Variants in SHE observed in about 807,000 individuals in gnomAD.
SHE encodes Src homology 2 domain containing E.
In SHE, 11 loss-of-function variants were observed where a neutral mutation model predicts 49.8. That is an observed-to-expected ratio of 0.22 (90% CI 0.14 to 0.37). SHE has a LOEUF of 0.37. SHE is among the 10% of genes least tolerant of loss of function. The pLI is 1.00. For missense variants in SHE, 624 were observed against 655.5 expected (o/e 0.95, Z 0.52); for synonymous variants, 310 against 278.1 (o/e 1.11, Z -1.14).
intron 2 of SHE, among the ~76,000 whole-genome samples, chr1:154,493,397 CCT>C (rs1196504377): frequency 1.3e-5 from 2 of 152,126 alleles, no homozygotes; most frequent in South Asian, 4.1e-4. Context: ...GAGAATAGCC[CCT>C]GACGTGCAGA....
chr1:154,494,149 A>G (rs1398236437), intron 2 of SHE, among the ~76,000 whole-genome samples: 1 of 152,218 alleles, frequency 6.6e-6, no homozygotes, highest in Non-Finnish European at 1.5e-5. Flanking sequence ...GGGCTGCCCG[A>G]CAATTTTTTA....
chr1:154,477,896 A>AG (rs1477587357), downstream of SHE, among the ~76,000 whole-genome samples: 6 of 150,962 alleles, frequency 4.0e-5, no homozygotes, highest in Non-Finnish European at 8.9e-5. Flanking sequence ...GTCTCAAAAA[A>AG]AAAAAAAAAA....
chr1:154,482,893 T>C lies in SHE; in HGVS notation c.*1256A>G. On this transcript the variant is annotated 3_prime_UTR_variant, in exon 6 of 6. Transcript: ENST00000304760. ...AGACCCAGTTCATATAATCAGATCT[T>C]AGGGTTGCATTTTTAAAAAATTTAC... The C allele has an allele frequency of 1.0e-6, 1 of 985,328 alleles. No homozygotes were observed. Among genetic ancestry groups the C allele is most frequent in the Non-Finnish European group, 1.2e-6 (1 of 829,824 alleles). 61.0% of individuals were successfully genotyped at this position (985,328 alleles called of 1,614,324 possible). A position where few individuals can be genotyped will look rare whatever the true frequency, so the allele number is the denominator to read the frequency against.
At chr1:154,492,759 G>C (rs962001394) in intron 2 of SHE, among the ~76,000 whole-genome samples, 2 of 152,204 alleles carry the variant, frequency 1.3e-5, no homozygotes, top group Non-Finnish European at 2.9e-5. Context: ...GATGAATATA[G>C]AATACAATTT....
rs995222056 is a variant in SHE, at chr1:154,482,844, CGA to C, written c.*1303_*1304del. 1.0e-6 allele frequency: 1 copy of C among 985,292 alleles called. No individual in the cohort carries two copies. Among genetic ancestry groups the C allele is most frequent in the African/African-American group, 1.7e-5 (1 of 57,220 alleles). The allele number at this position is 985,292 out of a possible 1,614,324, so 61.0% of individuals were successfully genotyped here. On this transcript the variant is annotated 3_prime_UTR_variant, in exon 6 of 6. Coordinates refer to ENST00000304760, the MANE Select transcript of SHE (RefSeq NM_001010846.3). ...ACAAGGCAGTCTGCTTGGTACAGAA[CGA>C]GAGAATCTTTGTAGGCTTTAGAGAC...
chr1:154,496,606 C>T (rs1372998013), intron 2 of SHE, among the ~76,000 whole-genome samples: 1 of 152,108 alleles, frequency 6.6e-6, no homozygotes, highest in Admixed American at 6.6e-5. Flanking sequence ...AGTGGGAGAT[C>T]CGGGTGCTAA....
At chr1:154,493,854 T>TA (rs1444295403) in intron 2 of SHE, among the ~76,000 whole-genome samples, 1 of 151,928 alleles carries the variant, frequency 6.6e-6, no homozygotes, top group African/African-American at 2.4e-5. Context: ...CTAGGTGTAT[T>TA]ATGCCCAGAA....
intron 2 of SHE, among the ~76,000 whole-genome samples, chr1:154,496,425 G>A (rs147619812): frequency 1.3e-5 from 2 of 152,268 alleles, no homozygotes; most frequent in East Asian, 1.9e-4. Context: ...AAATGCTAGC[G>A]ATTATTATTA....
At position 154,489,285 on chromosome 1, in the gene SHE, C is replaced by T. The variant is rs377651157; in HGVS notation, c.790G>A (p.Ala264Thr). The T allele has an allele frequency of 2.2e-5, 35 of 1,614,096 alleles. No homozygotes were observed. Among genetic ancestry groups the T allele is most frequent in the Admixed American group, 1.0e-4 (6 of 60,004 alleles). Residue 264 changes from alanine (A) to threonine (T), a missense_variant, in exon 3 of 6, where the codon GCA becomes ACA. Around this residue, in one of 4 missense-constraint regions of SHE, gnomAD observed 155 missense variants for 142.0 expected, o/e 1.09. Transcript: ENST00000304760. ...LQLLDSPCEP[A>T]DGGLKSETLA... ...GTCTCTGATTTCAGGCCACCGTCTG[C>T]GGGTTCACAGGGACTGTCAAGCAGC...
Position 154,481,342 on chromosome 1 carries a change from C to T in SHE, c.*2807G>A. On this transcript the variant is annotated 3_prime_UTR_variant, in exon 6 of 6. Coordinates refer to ENST00000304760, the MANE Select transcript of SHE (RefSeq NM_001010846.3). The stretch of plus-strand genomic sequence containing the variant: ...TTTACTATATTTCTTCTTATAACCT[C>T]CTGTACAACTGTAAAGCAACTGGAC... 1 of 985,448 alleles carries T rather than the reference C, an allele frequency of 1.0e-6. No homozygotes were observed. Among genetic ancestry groups the T allele is most frequent in the Non-Finnish European group, 1.2e-6 (1 of 829,934 alleles). 61.0% of individuals were successfully genotyped at this position (985,448 alleles called of 1,614,324 possible).
Position 154,501,962 on chromosome 1 carries a change from G to A in SHE, c.65C>T (p.Ser22Phe), listed in dbSNP as rs185662597. 103 of 1,431,072 alleles carry A rather than the reference G, an allele frequency of 7.2e-5. No individual in the cohort carries two copies. The Middle Eastern group carries it at 1.9e-3, about 26-fold the overall frequency. 88.6% of individuals were successfully genotyped at this position (1,431,072 alleles called of 1,614,324 possible). The stretch of plus-strand genomic sequence containing the variant: ...TCGGCCCAGGAGCGTCGGGGCCGTG[G>A]AGCAGGCGAGCGAGGAAGCCCAGCC... ...CLGWASSLAC[S>F]TAPTLLGRAG... The change falls in exon 1 of 6, where the codon TCC becomes TTC. Residue 22 changes from serine to phenylalanine, a missense_variant. Physicochemically the swap from Ser to Phe is radical, Grantham distance 155. Transcript: ENST00000304760.
chr1:154,501,968 G>A lies in SHE; in HGVS notation c.59C>T (p.Ala20Val), dbSNP rs1026719674. Reference sequence around the variant, plus strand: ...CAGGAGCGTCGGGGCCGTGGAGCAGGCGAGCGAGGAAGCCCAGCCCAGACA... The same window carrying A: ...CAGGAGCGTCGGGGCCGTGGAGCAGACGAGCGAGGAAGCCCAGCCCAGACA... ...SACLGWASSL[A>V]CSTAPTLLGR... The change falls in exon 1 of 6, where the codon GCC becomes GTC. Residue 20 changes from alanine (A) to valine (V), a missense_variant. This residue lies in a region of SHE where 337 missense variants were observed against 306.0 expected (regional missense o/e 1.10). Coordinates refer to ENST00000304760, the MANE Select transcript of SHE (RefSeq NM_001010846.3). 2.1e-6 allele frequency: 3 copies of A among 1,426,386 alleles called. No homozygotes were observed. Among genetic ancestry groups the A allele is most frequent in the Non-Finnish European group, 2.7e-6 (3 of 1,100,272 alleles). The allele number at this position is 1,426,386 out of a possible 1,614,324, so 88.4% of individuals were successfully genotyped here.
chr1:154,490,604 T>C (rs928197951), intron 2 of SHE, among the ~76,000 whole-genome samples: 14 of 152,086 alleles, frequency 9.2e-5, no homozygotes, highest in African/African-American at 3.1e-4. Flanking sequence ...GTGGGAACGA[T>C]AGAGGGCTTG....
At chr1:154,493,876 CCTCA>C (rs1257801871) in intron 2 of SHE, among the ~76,000 whole-genome samples, 3 of 152,162 alleles carry the variant, frequency 2.0e-5, no homozygotes, top group African/African-American at 7.2e-5. Flanking sequence ...CTCACTGATG[CCTCA>C]CTAAGGCAGT....
At chr1:154,474,327 AG>A (rs1017517279) in intron 1 of SHE, among the ~76,000 whole-genome samples, 1 of 152,142 alleles carries the variant, frequency 6.6e-6, no homozygotes, top group Non-Finnish European at 1.5e-5. Context: ...CTCAAAGGAG[AG>A]GGGCAAAACT....
chr1:154,481,280 T>G lies in SHE; in HGVS notation c.*2869A>C, dbSNP rs922876034. On this transcript the variant is annotated 3_prime_UTR_variant, in exon 6 of 6. Coordinates refer to ENST00000304760, the MANE Select transcript of SHE (RefSeq NM_001010846.3). ...TTGTGTCACAACCTCAAGAAGAAAA[T>G]AGCTCACTAACGCCCCCACCTCTGA... 1.1e-5 allele frequency: 11 copies of G among 985,370 alleles called. No individual in the cohort carries two copies. Among genetic ancestry groups the G allele is most frequent in the Non-Finnish European group, 1.3e-5 (11 of 829,928 alleles). The allele number at this position is 985,370 out of a possible 1,614,324, so 61.0% of individuals were successfully genotyped here.
At chr1:154,473,427 A>G (rs1273479543) in intron 1 of SHE, among the ~76,000 whole-genome samples, 1 of 151,898 alleles carries the variant, frequency 6.6e-6, no homozygotes, top group Non-Finnish European at 1.5e-5. Context: ...GTGAGCCGTG[A>G]TAGTACCACT....
rs754342832 is a variant in SHE, at chr1:154,501,642, C to G, written c.385G>C (p.Glu129Gln). ...GRKNSRATEE[E>Q]PHRGATKSSG... ...CTCTTGGTTGCACCCCGGTGGGGCT[C>G]CTCCTCCGTGGCCCGGGAGTTTTTG... The change falls in exon 1 of 6, where the codon GAG (glutamate) becomes CAG (glutamine). Residue 129 changes from glutamate (E) to glutamine (Q), a missense_variant. Glu to Gln is a conservative substitution (Grantham distance 29). Transcript: ENST00000304760. 6.2e-6 allele frequency: 10 copies of G among 1,613,670 alleles called. No individual in the cohort carries two copies. The highest frequency in any genetic ancestry group is 4.4e-5 in the South Asian group (4 of 91,082).
In SHE at chr1:154,481,278, A is replaced by T; in HGVS notation, c.*2871T>A. 2 of 985,420 alleles carry T rather than the reference A, an allele frequency of 2.0e-6. No individual in the cohort carries two copies. The highest frequency in any genetic ancestry group is 2.4e-6 in the Non-Finnish European group (2 of 829,936). The allele number at this position is 985,420 out of a possible 1,614,324, so 61.0% of individuals were successfully genotyped here. On this transcript the variant is annotated 3_prime_UTR_variant, in exon 6 of 6. Transcript: ENST00000304760. ...GCTTGTGTCACAACCTCAAGAAGAA[A>T]ATAGCTCACTAACGCCCCCACCTCT...
Sources: gnomAD v4.1 joint callset for allele counts (sites outside exome capture counted in the v4.1 genomes callset) on GRCh38, gnomAD v4.1.1 for gene constraint, gnomAD v4.1.1 regional missense constraint, MANE v1.5 for transcripts, NCBI Gene and HGNC (gene_info 2026-07-23, HGNC 2026-07-21) for gene names.